The following PRDM10 variants were observed in gnomAD, a reference collection of about 807,000 sequenced individuals.
The protein encoded by PRDM10 is PR domain zinc finger protein 10.
PRDM10 carries 65 observed loss-of-function variants against 133.1 expected under a neutral mutation model. That is an observed-to-expected ratio of 0.49 (90% CI 0.40 to 0.60). The LOEUF (loss-of-function observed/expected upper bound fraction) is 0.60, where lower values mean the gene tolerates loss of function less well. Ranked by LOEUF, PRDM10 falls within the 20% of genes least tolerant of loss-of-function variation. PRDM10 has a pLI of 0.00. For missense variants in PRDM10, 1,137 were observed against 1,507.1 expected, an observed-to-expected ratio of 0.75 and a Z score of 4.07; for synonymous variants, 582 against 580.4, an observed-to-expected ratio of 1.00 and a Z score of -0.04.
chr11:129,944,564 G>C (rs373575582), intron 6 of PRDM10, among the ~76,000 whole-genome samples: 14 of 145,656 alleles, frequency 9.6e-5, no homozygotes, highest in South Asian at 2.2e-4. Flanking sequence ...CAGCCTGGGC[G>C]ACAGAGCAAG....
At chr11:129,982,420 G>A (rs1014721057) in intron 1 of PRDM10, among the ~76,000 whole-genome samples, 5 of 151,872 alleles carry the variant, frequency 3.3e-5, no homozygotes, top group African/African-American at 9.6e-5. Flanking sequence ...CCACCACCTC[G>A]CCTAGCTAAT....
intron 11 of PRDM10, among the ~76,000 whole-genome samples, chr11:129,928,193 C>A (rs1282047589): frequency 6.6e-6 from 1 of 151,994 alleles, no homozygotes; most frequent in African/African-American, 2.4e-5. Flanking sequence ...GCAGCCTCGA[C>A]CTCCTGGACT....
intron 1 of PRDM10, among the ~76,000 whole-genome samples, chr11:129,996,920 C>T (rs1424054326): frequency 6.6e-6 from 1 of 152,046 alleles, no homozygotes; most frequent in Non-Finnish European, 1.5e-5. Context: ...AATTAAGAAA[C>T]TAGTTGAAAG....
intron 1 of PRDM10, among the ~76,000 whole-genome samples, chr11:130,000,865 G>A (rs1353456665): frequency 6.6e-6 from 1 of 152,176 alleles, no homozygotes; most frequent in African/African-American, 2.4e-5. Context: ...CCAGCACTTA[G>A]GGATGCTGCG....
intron 1 of PRDM10, among the ~76,000 whole-genome samples, chr11:130,000,828 C>G (rs1212438087): frequency 6.6e-6 from 1 of 152,124 alleles, no homozygotes; most frequent in Non-Finnish European, 1.5e-5. Context: ...ACCTAAAGGC[C>G]GAGCGCGGGG....
At chr11:129,911,198 T>C (rs898571241) in intron 18 of PRDM10, among the ~76,000 whole-genome samples, 1 of 152,248 alleles carries the variant, frequency 6.6e-6, no homozygotes, top group African/African-American at 2.4e-5. Flanking sequence ...AAAAAATTAA[T>C]TTCAATCAAC....
At chr11:129,916,648 G>T (rs1042211704) in intron 15 of PRDM10, among the ~76,000 whole-genome samples, 7 of 152,088 alleles carry the variant, frequency 4.6e-5, no homozygotes, top group African/African-American at 7.2e-5. Context: ...AAGTAAGAAA[G>T]GATATTACAG....
rs79025125 is a variant in PRDM10, at chr11:129,996,884, T to C, written c.-119+5838A>G. On this transcript the variant is annotated intron_variant, in intron 1 of 20. Transcript: ENST00000360871. ...CATCCTCACTTGGAATCTATGAGGT[T>C]GATTACTGTTATTATCCCTAGTAAT... 6.2e-3 allele frequency among the ~76,000 whole-genome samples: 946 copies of C among 152,346 alleles called. 40 individuals carry two copies. In the East Asian group the frequency reaches 0.083, roughly 13 times the overall value.
rs955505936 is a variant in PRDM10 at position 129,923,158 on chromosome 11, A to C, written c.2034+90T>G. The C allele has an allele frequency of 2.9e-6, 4 of 1,390,458 alleles. No individual in the cohort carries two copies. The African/African-American group carries it at 5.9e-5, about 20-fold the overall frequency. 86.1% of individuals were successfully genotyped at this position (1,390,458 alleles called of 1,614,324 possible). ...GTCCAGTTCATCAGAGGTGGGTGAT[A>C]AACTGATGAAATGAACAGGCATTTA... On this transcript the variant is annotated intron_variant, in intron 13 of 20. Coordinates refer to ENST00000360871, the MANE Select transcript of PRDM10 (RefSeq NM_199437.2). This position sits in a 1 kb window ranked among gnomAD's most constrained non-coding sequence, Gnocchi z 4.4.
chr11:129,954,261 TA>T (rs1565493317), intron 4 of PRDM10, among the ~76,000 whole-genome samples: 11 of 126,486 alleles, frequency 8.7e-5, no homozygotes, highest in East Asian at 6.5e-4. Flanking sequence ...TAATTTAATT[TA>T]TTTATTTTTT....
In PRDM10 at chr11:129,918,930, T is replaced by C. The variant is rs537650359; in HGVS notation, c.2035-212A>G. On this transcript the variant is annotated intron_variant, in intron 13 of 20. Coordinates refer to ENST00000360871, the MANE Select transcript of PRDM10 (RefSeq NM_199437.2). The surrounding 1 kb of genome is among the most constrained non-coding windows in gnomAD (Gnocchi z 5.3). ...TATGTGCATTCCAATGAACCTTGGTTTAAAATGACCATTAAATAGGAAAGA... is the reference window on the plus strand; with the variant it reads ...TATGTGCATTCCAATGAACCTTGGTCTAAAATGACCATTAAATAGGAAAGA... 6.6e-6 allele frequency among the ~76,000 whole-genome samples: 1 copy of C among 152,276 alleles called. No individual in the cohort carries two copies. The highest frequency in any genetic ancestry group is 1.9e-4 in the East Asian group (1 of 5,184).
intron 7 of PRDM10, among the ~76,000 whole-genome samples, chr11:129,940,541 A>G (rs1951173598): frequency 1.3e-5 from 2 of 152,216 alleles, no homozygotes; most frequent in African/African-American, 4.8e-5. Flanking sequence ...CGGTTTTAAA[A>G]ATTATTAATG....
intron 9 of PRDM10, among the ~76,000 whole-genome samples, chr11:129,932,541 C>A (rs944172180): frequency 1.3e-5 from 2 of 152,154 alleles, no homozygotes; most frequent in African/African-American, 4.8e-5. Context: ...ACATGCTAAG[C>A]CTTTGAGCGT....
intron 20 of PRDM10, among the ~76,000 whole-genome samples, chr11:129,904,809 T>C (rs1296567322): frequency 6.6e-6 from 1 of 152,214 alleles, no homozygotes; most frequent in Non-Finnish European, 1.5e-5. Flanking sequence ...CAAGAGTATT[T>C]TTCTAAATTC....
intron 2 of PRDM10, 113 bp downstream of exon 2, chr11:129,960,783 G>A: frequency 9.3e-7 from 1 of 1,071,090 alleles, no homozygotes; most frequent in Non-Finnish European, 1.4e-6. Context: ...AGTTCTTCAT[G>A]TCGGCTCCTA....
At chr11:129,943,985 C>A (rs926766715) in intron 6 of PRDM10, among the ~76,000 whole-genome samples, 1 of 151,832 alleles carries the variant, frequency 6.6e-6, no homozygotes, top group Non-Finnish European at 1.5e-5. Context: ...AGCGAGGCTC[C>A]ATCTCAAAAA....
chr11:129,937,232 T>A (rs535073314), intron 8 of PRDM10, among the ~76,000 whole-genome samples: 1 of 152,320 alleles, frequency 6.6e-6, no homozygotes, highest in East Asian at 1.9e-4. Flanking sequence ...ATACTTATGA[T>A]GTGTGCAGCT....
rs1446764477 is a variant in PRDM10 at position 129,984,470 on chromosome 11, G to A, written c.-119+18252C>T. Reference sequence around the variant, plus strand: ...AGCACACACTGAAACTCTGCAGCGCGGCCTGCAGTCCAGCCCCACGGCCTC... The same window carrying A: ...AGCACACACTGAAACTCTGCAGCGCAGCCTGCAGTCCAGCCCCACGGCCTC... On this transcript the variant is annotated intron_variant, in intron 1 of 20. Coordinates refer to ENST00000360871, the MANE Select transcript of PRDM10 (RefSeq NM_199437.2). Among the ~76,000 whole-genome samples, 7 of 152,128 alleles carry A rather than the reference G, an allele frequency of 4.6e-5. No homozygotes were observed. The East Asian group carries it at 5.8e-4, about 13-fold the overall frequency.
At chr11:129,977,255 T>TACACAC (rs71057991) in intron 1 of PRDM10, among the ~76,000 whole-genome samples, 4,851 of 132,408 alleles carry the variant, frequency 0.037, 116 homozygotes, top group African/African-American at 0.06. Flanking sequence ...ATGACTAAAA[T>TACACAC]ACACACACAC....
Sources: allele counts gnomAD v4.1 joint callset (sites outside exome capture counted in the v4.1 genomes callset), GRCh38; gene constraint gnomAD v4.1.1; non-coding constraint Gnocchi (gnomAD v3.1); transcripts MANE v1.5; gene names NCBI Gene and HGNC (gene_info 2026-07-23, HGNC 2026-07-21).